Variants in SLC71A2 observed in about 807,000 individuals in gnomAD.
SLC71A2 encodes the protein hippocampus abundant transcript-like 1.
chr9:94,456,421 A>G, the SLC71A2 span: 13 of 1,065,154 alleles, frequency 1.2e-5, no homozygotes, highest in Non-Finnish European at 1.7e-5. Flanking sequence ...AGTTCTCCCC[A>G]TCAACAGCAG....
the SLC71A2 span, chr9:94,454,116 C>T: frequency 1.5e-6 from 2 of 1,328,796 alleles, no homozygotes; most frequent in East Asian, 2.3e-5. Context: ...ACAGATGCCT[C>T]TTAGAGGAGC....
At chr9:94,428,623 T>G in the SLC71A2 span, among the ~76,000 whole-genome samples, 1 of 137,414 alleles carries the variant, frequency 7.3e-6, no homozygotes, top group Non-Finnish European at 1.6e-5. Flanking sequence ...ACTATGGACA[T>G]TCCTTTCTAA....
chr9:94,402,198 G>A, the SLC71A2 span, among the ~76,000 whole-genome samples: 366 of 152,254 alleles, frequency 2.4e-3, 1 homozygote, highest in African/African-American at 7.7e-3. Flanking sequence ...CAGCCCAGTA[G>A]GTTTCAGTCT....
At chr9:94,437,882 C>T in the SLC71A2 span, among the ~76,000 whole-genome samples, 16 of 146,096 alleles carry the variant, frequency 1.1e-4, no homozygotes, top group Non-Finnish European at 2.4e-4. Context: ...TTACTTCTTC[C>T]TTCCCTTTCT....
At chr9:94,386,507 G>A in the SLC71A2 span, among the ~76,000 whole-genome samples, 1 of 151,662 alleles carries the variant, frequency 6.6e-6, no homozygotes, top group Admixed American at 6.6e-5. Flanking sequence ...CCTGGTTTTT[G>A]ATAGTTACGT....
chr9:94,451,144 C>T, the SLC71A2 span, among the ~76,000 whole-genome samples: 1 of 152,166 alleles, frequency 6.6e-6, no homozygotes, highest in Non-Finnish European at 1.5e-5. Flanking sequence ...CATTTTGTTT[C>T]ATTTTTTATT....
chr9:94,440,929 A>C, the SLC71A2 span: 1 of 1,040,284 alleles, frequency 9.6e-7, no homozygotes, highest in Non-Finnish European at 1.5e-6. Context: ...GGCTCAGGTA[A>C]TGAAAGTGAA....
At chr9:94,403,743 CA>C in the SLC71A2 span, among the ~76,000 whole-genome samples, 1 of 152,038 alleles carries the variant, frequency 6.6e-6, no homozygotes, top group Non-Finnish European at 1.5e-5. Flanking sequence ...GAGTACCTGC[CA>C]AACCATTTTC....
chr9:94,389,905 A>T, the SLC71A2 span, among the ~76,000 whole-genome samples: 1 of 150,308 alleles, frequency 6.7e-6, no homozygotes, highest in African/African-American at 2.4e-5. Context: ...ACCATGTCTG[A>T]CCCCTCTTTT....
chr9:94,398,660 C>T, the SLC71A2 span, among the ~76,000 whole-genome samples: 1 of 149,104 alleles, frequency 6.7e-6, no homozygotes, highest in Non-Finnish European at 1.5e-5. Flanking sequence ...TCTTTAGACC[C>T]ACAGTAAAAC....
At chr9:94,430,812 A>G in the SLC71A2 span, among the ~76,000 whole-genome samples, 10 of 152,220 alleles carry the variant, frequency 6.6e-5, no homozygotes, top group Non-Finnish European at 1.5e-4. Flanking sequence ...CTCAAAGAGT[A>G]TGTGTATGTA....
At chr9:94,422,211 T>G in the SLC71A2 span, among the ~76,000 whole-genome samples, 1 of 152,202 alleles carries the variant, frequency 6.6e-6, no homozygotes, top group Non-Finnish European at 1.5e-5. Context: ...ATGCTTTATG[T>G]GTGACTCCAC....
chr9:94,395,509 C>A, the SLC71A2 span, among the ~76,000 whole-genome samples: 1 of 152,114 alleles, frequency 6.6e-6, no homozygotes. Context: ...AGGACCTGGA[C>A]TCATTATATT....
chr9:94,456,079 C>T, the SLC71A2 span, among the ~76,000 whole-genome samples: 1 of 151,780 alleles, frequency 6.6e-6, no homozygotes, highest in African/African-American at 2.4e-5. Flanking sequence ...TCACATGTAA[C>T]CTTGTAGGTT....
chr9:94,378,501 A>T, the SLC71A2 span, among the ~76,000 whole-genome samples: 156 of 151,720 alleles, frequency 1.0e-3, 1 homozygote, highest in East Asian at 0.03. Context: ...GATGGTGCAT[A>T]CCTGTAGTCC....
the SLC71A2 span, among the ~76,000 whole-genome samples, chr9:94,413,437 GTTAA>G: frequency 4.6e-5 from 7 of 152,192 alleles, no homozygotes; most frequent in Admixed American, 2.0e-4. Flanking sequence ...AATTTAAAAA[GTTAA>G]TTGCAGCAGT....
the SLC71A2 span, chr9:94,438,664 G>C: frequency 1.3e-6 from 1 of 741,696 alleles, no homozygotes. Context: ...TGGTAATACT[G>C]AAAACCAGTT....
At chr9:94,378,112 C>T in the SLC71A2 span, among the ~76,000 whole-genome samples, 2 of 135,678 alleles carry the variant, frequency 1.5e-5, no homozygotes. Flanking sequence ...GGCGACAGAG[C>T]GAGACTCCAT....
At chr9:94,421,007 TAG>T in the SLC71A2 span, among the ~76,000 whole-genome samples, 1 of 152,136 alleles carries the variant, frequency 6.6e-6, no homozygotes, top group African/African-American at 2.4e-5. Context: ...ACCAGTGGAC[TAG>T]CTGATATCTC....
Sources: allele counts gnomAD v4.1 joint callset (sites outside exome capture counted in the v4.1 genomes callset), GRCh38; gene constraint gnomAD v4.1.1; transcripts MANE v1.5; gene names NCBI Gene and HGNC (gene_info 2026-07-23, HGNC 2026-07-21).